SPMIP4: variants seen among roughly 807,000 people sequenced by gnomAD.
SPMIP4 encodes sperm-associated microtubule inner protein 4.
chr7:25,151,614 A>G, the SPMIP4 span: 3 of 1,606,450 alleles, frequency 1.9e-6, no homozygotes, highest in African/African-American at 2.7e-5. Context: ...ATACACCTTG[A>G]CCTGGCCAAG....
At chr7:25,163,708 C>T in the SPMIP4 span, among the ~76,000 whole-genome samples, 1 of 152,094 alleles carries the variant, frequency 6.6e-6, no homozygotes, top group East Asian at 1.9e-4. The surrounding 1 kb of genome is among the most constrained non-coding windows in gnomAD (Gnocchi z 4.4). Flanking sequence ...GTGACCTATC[C>T]CTGGATGTAC....
the SPMIP4 span, among the ~76,000 whole-genome samples, chr7:25,155,860 A>G: frequency 1.3e-5 from 2 of 152,196 alleles, no homozygotes; most frequent in Non-Finnish European, 2.9e-5. Flanking sequence ...TGTCTAAACT[A>G]GAAGAAAAGC....
the SPMIP4 span, among the ~76,000 whole-genome samples, chr7:25,139,777 T>G: frequency 6.6e-6 from 1 of 152,222 alleles, no homozygotes; most frequent in African/African-American, 2.4e-5. Context: ...TATTTCTGTA[T>G]GCAAGAAGCA....
At chr7:25,131,365 T>G in the SPMIP4 span, among the ~76,000 whole-genome samples, 1 of 152,206 alleles carries the variant, frequency 6.6e-6, no homozygotes. This position sits in a 1 kb window ranked among gnomAD's most constrained non-coding sequence, Gnocchi z 4.2. Context: ...ATAAATGTAA[T>G]GCACTTGAAT....
chr7:25,135,501 C>T, the SPMIP4 span: 21 of 985,504 alleles, frequency 2.1e-5, no homozygotes, highest in Non-Finnish European at 2.5e-5. Context: ...TGGGTTTTGT[C>T]TTTTCTACCT....
At chr7:25,163,420 G>A in the SPMIP4 span, among the ~76,000 whole-genome samples, 200 of 152,204 alleles carry the variant, frequency 1.3e-3, 1 homozygote, top group African/African-American at 4.7e-3. The surrounding 1 kb of genome is among the most constrained non-coding windows in gnomAD (Gnocchi z 4.4). Context: ...GGAGTGTGAG[G>A]GTTATTTGTA....
At chr7:25,129,936 G>GT in the SPMIP4 span, among the ~76,000 whole-genome samples, 7 of 152,072 alleles carry the variant, frequency 4.6e-5, no homozygotes, top group East Asian at 1.4e-3. Flanking sequence ...GGAAGCTAGG[G>GT]TTTTTCAAGG....
the SPMIP4 span, chr7:25,136,211 ACTC>A: frequency 3.1e-6 from 5 of 1,614,030 alleles, no homozygotes; most frequent in Non-Finnish European, 4.2e-6. The surrounding 1 kb of genome is among the most constrained non-coding windows in gnomAD (Gnocchi z 5.7). Context: ...TTCAAGAACA[ACTC>A]TTCTTCTGGC....
chr7:25,155,013 CTT>C, the SPMIP4 span: 60 of 1,611,822 alleles, frequency 3.7e-5, no homozygotes, highest in Admixed American at 3.3e-4. Context: ...CATTTTACCT[CTT>C]GTCTTCAAAA....
the SPMIP4 span, among the ~76,000 whole-genome samples, chr7:25,147,162 C>G: frequency 6.6e-6 from 1 of 152,120 alleles, no homozygotes; most frequent in African/African-American, 2.4e-5. Flanking sequence ...GGCATAGTGG[C>G]GCACATCTGT....
the SPMIP4 span, among the ~76,000 whole-genome samples, chr7:25,154,793 C>CA: frequency 6.6e-6 from 1 of 152,062 alleles, no homozygotes; most frequent in African/African-American, 2.4e-5. Flanking sequence ...GAGGCTGTGT[C>CA]AAGGGGAAAG....
chr7:25,166,233 C>CTTTTTTTTTTTTTT, the SPMIP4 span, among the ~76,000 whole-genome samples: 3 of 131,206 alleles, frequency 2.3e-5, no homozygotes, highest in South Asian at 2.4e-4. Flanking sequence ...TTTCCGTCTT[C>CTTTTTTTTTTTTTT]TTTTTTTTTT....
chr7:25,147,739 T>G, the SPMIP4 span, among the ~76,000 whole-genome samples: 130,175 of 152,204 alleles, frequency 0.86, 55,835 homozygotes, highest in Non-Finnish European at 0.88. Flanking sequence ...ATAACCATTG[T>G]AATAATAATA....
chr7:25,173,057 G>C, the SPMIP4 span, among the ~76,000 whole-genome samples: 2 of 151,154 alleles, frequency 1.3e-5, no homozygotes, highest in Non-Finnish European at 3.0e-5. This position sits in a 1 kb window ranked among gnomAD's most constrained non-coding sequence, Gnocchi z 4.4. Context: ...GAGGGAGAGA[G>C]AGGGGGAGAG....
chr7:25,164,348 T>C, the SPMIP4 span, among the ~76,000 whole-genome samples: 6 of 152,158 alleles, frequency 3.9e-5, no homozygotes, highest in Non-Finnish European at 8.8e-5. Context: ...GGATGACTGA[T>C]CCTGAATATC....
the SPMIP4 span, among the ~76,000 whole-genome samples, chr7:25,161,567 G>C: frequency 6.7e-6 from 1 of 148,414 alleles, no homozygotes; most frequent in Non-Finnish European, 1.5e-5. Flanking sequence ...GGGGAAAAAA[G>C]ATGTATTTTT....
At chr7:25,152,367 C>T in the SPMIP4 span, among the ~76,000 whole-genome samples, 2 of 152,106 alleles carry the variant, frequency 1.3e-5, no homozygotes, top group Admixed American at 6.5e-5. Context: ...GCTTTGCTCT[C>T]GTGATAAGTT....
chr7:25,166,523 C>T, the SPMIP4 span, among the ~76,000 whole-genome samples: 13 of 150,910 alleles, frequency 8.6e-5, no homozygotes, highest in Non-Finnish European at 1.8e-4. Context: ...GGAGGCAGAG[C>T]TTGCAGTGAG....
At chr7:25,154,261 G>A in the SPMIP4 span, among the ~76,000 whole-genome samples, 1 of 152,200 alleles carries the variant, frequency 6.6e-6, no homozygotes, top group Non-Finnish European at 1.5e-5. Context: ...TGCAGGATAG[G>A]ACAATTCTTG....
Sources: gnomAD v4.1 joint callset for allele counts (sites outside exome capture counted in the v4.1 genomes callset) on GRCh38, gnomAD v4.1.1 for gene constraint, Gnocchi (gnomAD v3.1) non-coding constraint, MANE v1.5 for transcripts, NCBI Gene and HGNC (gene_info 2026-07-23, HGNC 2026-07-21) for gene names.